RNF220: variants seen among roughly 807,000 people sequenced by gnomAD.
The protein encoded by RNF220 is ring finger protein 220.
In RNF220, 7 loss-of-function variants were observed where a neutral mutation model predicts 67.1. The observed-to-expected ratio is 0.10, with a 90% CI of 0.06 to 0.20. The LOEUF (loss-of-function observed/expected upper bound fraction) is 0.20. Ranked by LOEUF, RNF220 falls within the 10% of genes least tolerant of loss-of-function variation. The probability of loss-of-function intolerance (pLI) is 1.00; values close to 1 mark genes in which losing one functional copy is unlikely to be tolerated. For synonymous variants in RNF220, 270 were observed against 283.2 expected (o/e 0.95, Z 0.47); for missense variants, 565 against 740.3 (o/e 0.76, Z 2.75).
intron 2 of RNF220, among the ~76,000 whole-genome samples, chr1:44,521,690 G>C (rs558128430): frequency 6.6e-6 from 1 of 152,086 alleles, no homozygotes; most frequent in Non-Finnish European, 1.5e-5. Context: ...TGGATCGCTC[G>C]TACAGAACTT....
chr1:44,531,196 C>T (rs1440481710), intron 2 of RNF220, among the ~76,000 whole-genome samples: 1 of 152,292 alleles, frequency 6.6e-6, no homozygotes, highest in Middle Eastern at 3.4e-3. Context: ...CTGTAATCCT[C>T]AAGGTAAATC....
intron 2 of RNF220, among the ~76,000 whole-genome samples, chr1:44,526,172 G>A (rs964455195): frequency 1.3e-5 from 2 of 152,150 alleles, no homozygotes; most frequent in African/African-American, 4.8e-5. Flanking sequence ...TTTCCGGCCT[G>A]TGATGCTCCG....
At chr1:44,615,454 C>T (rs967284463) in intron 3 of RNF220, among the ~76,000 whole-genome samples, 8 of 152,168 alleles carry the variant, frequency 5.3e-5, no homozygotes, top group Non-Finnish European at 7.3e-5. Context: ...TAATCTGCTA[C>T]TGAGGGACGG....
At chr1:44,632,104 G>T (rs1644154430) in intron 5 of RNF220, 1 of 1,454,176 alleles carries the variant, frequency 6.9e-7, no homozygotes, top group Non-Finnish European at 9.2e-7. Flanking sequence ...CAGGGCTGGG[G>T]CGGCACCGCG....
At chr1:44,508,556 T>C (rs1658658253) in intron 2 of RNF220, among the ~76,000 whole-genome samples, 1 of 152,178 alleles carries the variant, frequency 6.6e-6, no homozygotes. Context: ...TGGCGTTTGC[T>C]CTAAAGGCCT....
In RNF220 at chr1:44,633,149, G is replaced by A. The variant is rs150477022; in HGVS notation, c.949+764G>A. 1.4e-4 allele frequency among the ~76,000 whole-genome samples: 21 copies of A among 152,338 alleles called. No individual in the cohort carries two copies. The East Asian group carries it at 3.9e-3, about 28-fold the overall frequency. The stretch of plus-strand genomic sequence containing the variant: ...TCAAGATCCCCAGCTCTTATCACTT[G>A]GTTTCTGCTGCCAGGCTGAGCCCTA... On this transcript the variant is annotated intron_variant, in intron 6 of 14. Transcript: ENST00000361799.
At chr1:44,520,335 G>A (rs1278797361) in intron 2 of RNF220, among the ~76,000 whole-genome samples, 5 of 152,108 alleles carry the variant, frequency 3.3e-5, no homozygotes, top group East Asian at 1.9e-4. Context: ...GCATGGTGGC[G>A]GGCGCCTGTA....
At chr1:44,491,357 G>A (rs1188966934) in intron 2 of RNF220, among the ~76,000 whole-genome samples, 2 of 152,038 alleles carry the variant, frequency 1.3e-5, no homozygotes, top group African/African-American at 4.8e-5. Context: ...CAAAATTCTA[G>A]TGAACCAAAG....
chr1:44,522,546 T>C (rs547729267), intron 2 of RNF220, among the ~76,000 whole-genome samples: 2 of 152,294 alleles, frequency 1.3e-5, no homozygotes, highest in Non-Finnish European at 2.9e-5. Flanking sequence ...GAGACCTTAA[T>C]TGAGGTGGGT....
chr1:44,608,033 C>T (rs922506418), intron 2 of RNF220, among the ~76,000 whole-genome samples: 11 of 151,994 alleles, frequency 7.2e-5, no homozygotes, highest in Non-Finnish European at 1.6e-4. Flanking sequence ...AAGCGATCCT[C>T]CTGCCTCAGC....
At chr1:44,586,935 G>A (rs950504774) in intron 2 of RNF220, among the ~76,000 whole-genome samples, 1 of 152,130 alleles carries the variant, frequency 6.6e-6, no homozygotes, top group Non-Finnish European at 1.5e-5. Flanking sequence ...GGGGTTCTCA[G>A]TAACCGCATC....
chr1:44,412,682 T>C lies in RNF220; in HGVS notation c.585T>C (p.Asp195=), dbSNP rs1216560881. The change falls in exon 2 of 15, where the codon GAT becomes GAC. Residue 195 remains aspartate, a synonymous_variant. Coordinates refer to ENST00000361799, the MANE Select transcript of RNF220 (RefSeq NM_018150.4). The surrounding 1 kb of genome is among the most constrained non-coding windows in gnomAD (Gnocchi z 5.3). ...KIFAVSGLIS[D]REASSSPEDR... ...TTGCTGTCTCTGGCCTCATTTCTGA[T>C]CGGGAAGCCTCATCTAGCCCAGAGG... is the stretch of plus-strand genomic sequence containing the variant. 2 of 1,614,060 alleles carry C rather than the reference T, an allele frequency of 1.2e-6. No individual in the cohort carries two copies. The highest frequency in any genetic ancestry group is 2.7e-5 in the African/African-American group (2 of 74,912).
chr1:44,445,189 A>G (rs892254211), intron 2 of RNF220, among the ~76,000 whole-genome samples: 11 of 151,492 alleles, frequency 7.3e-5, no homozygotes, highest in African/African-American at 2.7e-4. Context: ...TGTTTTGTTC[A>G]TTTTTCTGTT....
Position 44,647,364 on chromosome 1 carries a change from C to G in RNF220, c.1445+1876C>G, listed in dbSNP as rs569375868. ...TCCTTATCAGGAATTTACCTGTAAT[C>G]CAGATGGGGATGGCACATATGGCAT... On this transcript the variant is annotated intron_variant, in intron 12 of 14. Coordinates refer to ENST00000361799, the MANE Select transcript of RNF220 (RefSeq NM_018150.4). Among the ~76,000 whole-genome samples, 5 of 152,280 alleles carry G rather than the reference C, an allele frequency of 3.3e-5. No individual in the cohort carries two copies. In the South Asian group the frequency reaches 1.0e-3, roughly 32 times the overall value.
intron 2 of RNF220, among the ~76,000 whole-genome samples, chr1:44,515,049 AG>A (rs1475959565): frequency 6.6e-6 from 1 of 152,200 alleles, no homozygotes; most frequent in Non-Finnish European, 1.5e-5. Flanking sequence ...GTGGCTATGA[AG>A]GCTGGAAATA....
At chr1:44,517,337 T>C (rs1040352960) in intron 2 of RNF220, among the ~76,000 whole-genome samples, 1 of 152,188 alleles carries the variant, frequency 6.6e-6, no homozygotes, top group Non-Finnish European at 1.5e-5. Context: ...TCTTTCATCC[T>C]GCCCAGTTCC....
intron 2 of RNF220, among the ~76,000 whole-genome samples, chr1:44,574,901 C>T (rs1664701233): frequency 6.6e-6 from 1 of 151,830 alleles, no homozygotes; most frequent in African/African-American, 2.4e-5. Flanking sequence ...AATATTTGTA[C>T]ATATTTACAG....
chr1:44,462,621 A>G (rs1653889694), intron 2 of RNF220, among the ~76,000 whole-genome samples: 1 of 152,236 alleles, frequency 6.6e-6, no homozygotes, highest in East Asian at 1.9e-4. Flanking sequence ...GTTATAAACA[A>G]ATTTTGGTCA....
chr1:44,461,808 A>T (rs548167978), intron 2 of RNF220, among the ~76,000 whole-genome samples: 1 of 152,208 alleles, frequency 6.6e-6, no homozygotes, highest in South Asian at 2.1e-4. Flanking sequence ...GTAAGTGAAA[A>T]TTTTAGTTCT....
Sources: allele counts gnomAD v4.1 joint callset (sites outside exome capture counted in the v4.1 genomes callset), GRCh38; gene constraint gnomAD v4.1.1; non-coding constraint Gnocchi (gnomAD v3.1); transcripts MANE v1.5; gene names NCBI Gene and HGNC (gene_info 2026-07-23, HGNC 2026-07-21).